The following NLGN1 variants were observed in gnomAD, a reference collection of about 807,000 sequenced individuals.
The protein encoded by NLGN1 is neuroligin 1.
NLGN1 carries 12 observed loss-of-function variants against 65.5 expected under a neutral mutation model. The ratio of observed to expected loss-of-function variants is 0.18; its 90% CI spans 0.12 to 0.30. The LOEUF (loss-of-function observed/expected upper bound fraction) is 0.30. Among genes scored for constraint, NLGN1 ranks in the 10% least tolerant of loss-of-function variants. The pLI, the probability that NLGN1 is intolerant of heterozygous loss-of-function variation, is 1.00. For synonymous variants in NLGN1, 350 were observed against 359.5 expected (o/e 0.97, Z 0.30); for missense variants, 750 against 1,007.1 (o/e 0.74, Z 3.46).
At chr3:173,797,215 TTC>T (rs1393101162) in intron 3 of NLGN1, among the ~76,000 whole-genome samples, 1 of 152,202 alleles carries the variant, frequency 6.6e-6, no homozygotes, top group Non-Finnish European at 1.5e-5. Flanking sequence ...TAGATATTTA[TTC>T]TCAGTGCCTT....
At chr3:173,820,365 T>A (rs536025873) in intron 4 of NLGN1, among the ~76,000 whole-genome samples, 20 of 152,284 alleles carry the variant, frequency 1.3e-4, no homozygotes, top group African/African-American at 4.1e-4. Context: ...TTTGCATTCT[T>A]CTGGTTCCTG....
intron 3 of NLGN1, among the ~76,000 whole-genome samples, chr3:173,760,501 C>T (rs1301979586): frequency 7.2e-5 from 11 of 151,762 alleles, no homozygotes; most frequent in Admixed American, 2.6e-4. Flanking sequence ...GAAGTTCTTG[C>T]GACAGTGAAT....
At chr3:173,760,943 C>T (rs185212400) in intron 3 of NLGN1, among the ~76,000 whole-genome samples, 2 of 152,118 alleles carry the variant, frequency 1.3e-5, no homozygotes, top group East Asian at 3.9e-4. Context: ...GAGCAATTAG[C>T]AGATGTTTAC....
intron 4 of NLGN1, among the ~76,000 whole-genome samples, chr3:174,064,978 C>T (rs1428086471): frequency 2.6e-5 from 4 of 151,436 alleles, no homozygotes; most frequent in African/African-American, 7.2e-5. Flanking sequence ...TTAAAGAAAA[C>T]TGCATATTCA....
intron 4 of NLGN1, among the ~76,000 whole-genome samples, chr3:173,843,090 A>T (rs1464892747): frequency 6.6e-6 from 1 of 152,202 alleles, no homozygotes; most frequent in East Asian, 1.9e-4. Context: ...GAAGCTGCCA[A>T]GGCTTGAGGC....
intron 3 of NLGN1, among the ~76,000 whole-genome samples, chr3:173,677,024 C>T (rs1461944746): frequency 6.6e-6 from 1 of 151,930 alleles, no homozygotes; most frequent in Non-Finnish European, 1.5e-5. Context: ...GTATAAATTC[C>T]CAGAGCATAT....
intron 4 of NLGN1, among the ~76,000 whole-genome samples, chr3:174,275,093 A>C (rs2152885921): frequency 1.3e-5 from 2 of 151,884 alleles, no homozygotes; most frequent in South Asian, 4.2e-4. Flanking sequence ...TACCTGGATA[A>C]GTTGGGAGGC....
At chr3:174,238,755 G>C (rs917777192) in intron 4 of NLGN1, among the ~76,000 whole-genome samples, 1 of 152,160 alleles carries the variant, frequency 6.6e-6, no homozygotes, top group Non-Finnish European at 1.5e-5. Context: ...CAATTTCATA[G>C]ACAGAGGATG....
chr3:173,779,326 C>T (rs183601033), intron 3 of NLGN1, among the ~76,000 whole-genome samples: 213 of 151,378 alleles, frequency 1.4e-3, no homozygotes, highest in African/African-American at 4.9e-3. Context: ...TGTCTTAAAT[C>T]CCTCAGGACC....
In NLGN1 at chr3:174,064,402, T is replaced by C. The variant is rs920768137; in HGVS notation, c.647-210913T>C. On this transcript the variant is annotated intron_variant, in intron 4 of 6. Transcript: ENST00000457714. ...GCCTATCATCATAACTACATTAACA[T>C]ATAGTATAGTGATCAAGAGCAGGAA... 2.2e-4 allele frequency among the ~76,000 whole-genome samples: 34 copies of C among 151,940 alleles called. 1 individual carries two copies. The highest frequency in any genetic ancestry group is 7.5e-4 in the African/African-American group (31 of 41,420).
chr3:173,452,673 G>T (rs1234999214), intron 2 of NLGN1, among the ~76,000 whole-genome samples: 1 of 152,116 alleles, frequency 6.6e-6, no homozygotes, highest in African/African-American at 2.4e-5. Flanking sequence ...ATATTTAAAT[G>T]CATTAGTCAA....
chr3:173,970,806 G>A (rs548194678), intron 4 of NLGN1, among the ~76,000 whole-genome samples: 1 of 152,254 alleles, frequency 6.6e-6, no homozygotes, highest in South Asian at 2.1e-4. Context: ...AGAGTAGCTG[G>A]TGCTGCTGAT....
intron 3 of NLGN1, among the ~76,000 whole-genome samples, chr3:173,642,464 T>G (rs1757570840): frequency 6.6e-6 from 1 of 152,138 alleles, no homozygotes; most frequent in Non-Finnish European, 1.5e-5. Flanking sequence ...GAAGAAGCCA[T>G]CACAGTTCAG....
intron 4 of NLGN1, among the ~76,000 whole-genome samples, chr3:174,270,720 A>C (rs1749240541): frequency 6.6e-6 from 1 of 151,818 alleles, no homozygotes; most frequent in African/African-American, 2.4e-5. Flanking sequence ...TAAGTCCGTG[A>C]CATGAAGTTT....
chr3:173,517,194 ACTAT>A (rs1221800847), intron 2 of NLGN1, among the ~76,000 whole-genome samples: 1 of 152,062 alleles, frequency 6.6e-6, no homozygotes, highest in Non-Finnish European at 1.5e-5. Context: ...CCTTGTGTTC[ACTAT>A]CTATCTCTTC....
At chr3:173,775,070 T>G (rs1780109231) in intron 3 of NLGN1, among the ~76,000 whole-genome samples, 1 of 152,136 alleles carries the variant, frequency 6.6e-6, no homozygotes, top group Admixed American at 6.6e-5. Context: ...AATAAAATAG[T>G]TTTTTATTTC....
chr3:174,076,712 AGAGAGAGAGAGAGTGTGTGTGTGT>A (rs1300736051), intron 4 of NLGN1, among the ~76,000 whole-genome samples: 95 of 137,444 alleles, frequency 6.9e-4, no homozygotes, highest in African/African-American at 2.5e-3. Flanking sequence ...AGAGAGAGAG[AGAGAGAGAGAGAGTGTGTGTGTGT>A]GTGTGTGTGT....
At chr3:173,957,841 A>G (rs1406298234) in intron 4 of NLGN1, among the ~76,000 whole-genome samples, 1 of 152,088 alleles carries the variant, frequency 6.6e-6, no homozygotes, top group Non-Finnish European at 1.5e-5. Flanking sequence ...CCTTCTGCCC[A>G]CTCAGCCTGG....
At chr3:173,829,188 T>G (rs1288232677) in intron 4 of NLGN1, among the ~76,000 whole-genome samples, 20 of 152,074 alleles carry the variant, frequency 1.3e-4, no homozygotes, top group Admixed American at 1.3e-3. Context: ...GGAGCTTTCA[T>G]ATTCTGAGCG....
Sources: allele counts gnomAD v4.1 joint callset (sites outside exome capture counted in the v4.1 genomes callset), GRCh38; gene constraint gnomAD v4.1.1; transcripts MANE v1.5; gene names NCBI Gene and HGNC (gene_info 2026-07-23, HGNC 2026-07-21).